EPB41L4B: variants seen among roughly 807,000 people sequenced by gnomAD.
The protein encoded by EPB41L4B is band 4.1-like protein 4B.
In EPB41L4B, 30 loss-of-function variants were observed where a neutral mutation model predicts 112.5. The ratio of observed to expected loss-of-function variants is 0.27; its 90% CI spans 0.20 to 0.36. The LOEUF is 0.36. Among genes scored for constraint, EPB41L4B ranks in the 10% least tolerant of loss-of-function variants. The pLI is 1.00. For missense variants in EPB41L4B, 1,024 were observed against 1,133.3 expected, an observed-to-expected ratio of 0.90 and a Z score of 1.38; for synonymous variants, 408 against 439.7, an observed-to-expected ratio of 0.93 and a Z score of 0.90.
intron 19 of EPB41L4B, among the ~76,000 whole-genome samples, chr9:109,201,705 G>A (rs1056631395): frequency 4.6e-5 from 7 of 152,110 alleles, no homozygotes; most frequent in Admixed American, 4.6e-4. Context: ...AAAGATGAGA[G>A]GCAGAGTGGA....
At chr9:109,254,389 G>A (rs1363646991) in intron 11 of EPB41L4B, among the ~76,000 whole-genome samples, 4 of 92,360 alleles carry the variant, frequency 4.3e-5, no homozygotes, top group Admixed American at 1.3e-4. Flanking sequence ...CCCCCACCCC[G>A]CCCCCGACCC....
At chr9:109,286,295 A>G (rs970440190) in intron 1 of EPB41L4B, among the ~76,000 whole-genome samples, 1 of 152,086 alleles carries the variant, frequency 6.6e-6, no homozygotes, top group Non-Finnish European at 1.5e-5. Flanking sequence ...ATCTGGGGCC[A>G]AGAAAGAGAT....
chr9:109,308,085 C>G (rs1335412226), intron 1 of EPB41L4B, among the ~76,000 whole-genome samples: 2 of 152,170 alleles, frequency 1.3e-5, no homozygotes, highest in Non-Finnish European at 2.9e-5. Context: ...CTGTCCCACA[C>G]TCGGCCCAAT....
intron 23 of EPB41L4B, 80 bp downstream of exon 23, chr9:109,185,409 C>A: frequency 1.6e-6 from 2 of 1,253,120 alleles, no homozygotes; most frequent in Non-Finnish European, 1.2e-6. Flanking sequence ...TGCACGCCCA[C>A]CCAGGCTTCC....
At chr9:109,231,996 G>T (rs1833965605) in intron 15 of EPB41L4B, among the ~76,000 whole-genome samples, 1 of 151,382 alleles carries the variant, frequency 6.6e-6, no homozygotes, top group African/African-American at 2.4e-5. Context: ...TCCATTCTGG[G>T]TTTCTTTTTT....
chr9:109,263,217 T>C, intron 5 of EPB41L4B, 115 bp from the exon 6 acceptor site: 1 of 716,134 alleles, frequency 1.4e-6, no homozygotes, highest in Non-Finnish European at 2.4e-6. Flanking sequence ...ACTTGTATTC[T>C]TAGTCATATT....
chr9:109,243,586 G>C, intron 15 of EPB41L4B, 32 bp downstream of exon 15: 1 of 1,608,702 alleles, frequency 6.2e-7, no homozygotes, highest in Non-Finnish European at 8.5e-7. Flanking sequence ...GAAAGCTTTC[G>C]AAGGTGCAGC....
chr9:109,307,015 GTTTTT>G (rs534923556), intron 1 of EPB41L4B, among the ~76,000 whole-genome samples: 1 of 124,516 alleles, frequency 8.0e-6, no homozygotes, highest in African/African-American at 3.0e-5. Flanking sequence ...TGCTGCAGTT[GTTTTT>G]TTTTTTTTTT....
chr9:109,269,583 G>A (rs1309319551), intron 2 of EPB41L4B, among the ~76,000 whole-genome samples: 1 of 152,136 alleles, frequency 6.6e-6, no homozygotes, highest in Non-Finnish European at 1.5e-5. Flanking sequence ...CACCCAGCAG[G>A]CCCCTGTTAA....
chr9:109,210,759 G>A lies in EPB41L4B; in HGVS notation c.1753-2710C>T, dbSNP rs1026933960. Among the ~76,000 whole-genome samples, 11 of 152,296 alleles carry A rather than the reference G, an allele frequency of 7.2e-5. 1 individual carries two copies. Among genetic ancestry groups the A allele is most frequent in the South Asian group, 4.1e-4 (2 of 4,826 alleles). On this transcript the variant is annotated intron_variant, in intron 17 of 25. Transcript: ENST00000374566. The stretch of plus-strand genomic sequence containing the variant: ...AGATAAGCATCTGGGTTCCAAGACC[G>A]TATCATTCCTTCCTGGAGGATGGCT...
intron 1 of EPB41L4B, among the ~76,000 whole-genome samples, chr9:109,314,639 C>A (rs1414284640): frequency 7.9e-6 from 1 of 126,242 alleles, no homozygotes; most frequent in East Asian, 2.4e-4. Flanking sequence ...CTCTCACCCC[C>A]CCCCACCTCA....
intron 6 of EPB41L4B, among the ~76,000 whole-genome samples, chr9:109,262,462 T>TGG (rs71779725): frequency 6.6e-6 from 1 of 151,434 alleles, no homozygotes; most frequent in African/African-American, 2.4e-5. Flanking sequence ...GGTGTGTGTG[T>TGG]GTGTGTGTGT....
At chr9:109,212,360 C>T (rs1227190266) in intron 17 of EPB41L4B, among the ~76,000 whole-genome samples, 3 of 152,076 alleles carry the variant, frequency 2.0e-5, no homozygotes, top group African/African-American at 4.8e-5. Flanking sequence ...GGGTTGAATC[C>T]CTAGCAGCTA....
intron 22 of EPB41L4B, among the ~76,000 whole-genome samples, chr9:109,186,970 G>A (rs531358129): frequency 3.3e-5 from 5 of 152,150 alleles, no homozygotes; most frequent in African/African-American, 7.2e-5. Flanking sequence ...TTTGGGATAC[G>A]CAGGGTTCTC....
intron 1 of EPB41L4B, among the ~76,000 whole-genome samples, chr9:109,294,624 CA>C (rs1189441324): frequency 3.3e-5 from 5 of 151,296 alleles, no homozygotes; most frequent in Non-Finnish European, 7.4e-5. Context: ...CGTACCCCCT[CA>C]AAAAAAATAA....
intron 15 of EPB41L4B, chr9:109,239,878 A>C: frequency 1.0e-6 from 1 of 985,466 alleles, no homozygotes; most frequent in African/African-American, 1.7e-5. Context: ...TACTGAGGAA[A>C]TCCCACTGCC....
intron 15 of EPB41L4B, among the ~76,000 whole-genome samples, chr9:109,222,334 C>T (rs10979760): frequency 0.29 from 44,641 of 151,962 alleles, 6,748 homozygotes; most frequent in East Asian, 0.33. Context: ...TAGAATGACT[C>T]GGGTGCTTTC....
chr9:109,240,232 C>T (rs1243389205), intron 15 of EPB41L4B: 2 of 985,168 alleles, frequency 2.0e-6, no homozygotes, highest in African/African-American at 3.5e-5. Context: ...AGATTCAGAA[C>T]ACATTTATTT....
intron 2 of EPB41L4B, among the ~76,000 whole-genome samples, chr9:109,275,404 TA>T (rs1273816902): frequency 6.6e-6 from 1 of 152,188 alleles, no homozygotes. Flanking sequence ...AAACACCTCC[TA>T]TGACATCCAA....
Sources: gnomAD v4.1 joint callset for allele counts (sites outside exome capture counted in the v4.1 genomes callset) on GRCh38, gnomAD v4.1.1 for gene constraint, MANE v1.5 for transcripts, NCBI Gene and HGNC (gene_info 2026-07-23, HGNC 2026-07-21) for gene names.